Variants in CTNNA2 observed in about 807,000 individuals in gnomAD.
CTNNA2 encodes the protein catenin alpha 2, also known as catenin alpha-2.
Under a neutral mutation model 101.0 loss-of-function variants are expected in CTNNA2, and 42 were observed. That is an observed-to-expected ratio of 0.42 (90% CI 0.32 to 0.54). The LOEUF (loss-of-function observed/expected upper bound fraction) is 0.54, where lower values mean the gene tolerates loss of function less well. CTNNA2 is among the 20% of genes least tolerant of loss of function. The probability of loss-of-function intolerance (pLI) is 0.14; values close to 1 mark genes in which losing one functional copy is unlikely to be tolerated. For missense variants in CTNNA2, 871 were observed against 1,223.1 expected (o/e 0.71, Z 4.29); for synonymous variants, 450 against 456.4 (o/e 0.99, Z 0.18).
intron 2 of CTNNA2, among the ~76,000 whole-genome samples, chr2:79,662,528 A>G (rs1308059382): frequency 6.6e-6 from 1 of 152,146 alleles, no homozygotes; most frequent in Non-Finnish European, 1.5e-5. Flanking sequence ...ATTTTGGACA[A>G]TGTAGAAATA....
intron 7 of CTNNA2, among the ~76,000 whole-genome samples, chr2:80,133,869 G>A (rs903599058): frequency 6.6e-6 from 1 of 152,132 alleles, no homozygotes; most frequent in Non-Finnish European, 1.5e-5. Flanking sequence ...TTAGATTTAA[G>A]ACAGACTATA....
intron 2 of CTNNA2, among the ~76,000 whole-genome samples, chr2:79,277,110 T>A (rs1446740060): frequency 3.9e-5 from 6 of 152,128 alleles, no homozygotes; most frequent in African/African-American, 9.7e-5. Context: ...AAGAGCAGGA[T>A]CTTTGTTCTC....
chr2:80,489,551 A>G (rs972910248), intron 9 of CTNNA2, among the ~76,000 whole-genome samples: 1 of 152,180 alleles, frequency 6.6e-6, no homozygotes. Context: ...TTAAGAGTCC[A>G]TGTTATATAA....
chr2:79,808,875 G>A (rs1676787486), intron 3 of CTNNA2, among the ~76,000 whole-genome samples: 1 of 151,884 alleles, frequency 6.6e-6, no homozygotes, highest in Non-Finnish European at 1.5e-5. Flanking sequence ...GTGCCATGGT[G>A]GTTTGCTGCA....
chr2:80,348,948 A>C (rs1390411827), intron 7 of CTNNA2, among the ~76,000 whole-genome samples: 1 of 152,178 alleles, frequency 6.6e-6, no homozygotes, highest in Non-Finnish European at 1.5e-5. Context: ...TTTAGAAGAA[A>C]GGAAAAAGTA....
chr2:79,287,216 C>T (rs562559878), intron 2 of CTNNA2, among the ~76,000 whole-genome samples: 6 of 152,302 alleles, frequency 3.9e-5, no homozygotes, highest in East Asian at 1.9e-4. Flanking sequence ...TCCCGTAGCT[C>T]GGAGTAATTT....
intron 2 of CTNNA2, among the ~76,000 whole-genome samples, chr2:79,712,576 C>CAACA (rs1392101039): frequency 2.0e-5 from 3 of 151,910 alleles, no homozygotes; most frequent in African/African-American, 7.3e-5. Context: ...GGCAATATGT[C>CAACA]AACAAATGAA....
chr2:79,842,591 A>C (rs1227667938), intron 3 of CTNNA2, among the ~76,000 whole-genome samples: 3 of 152,148 alleles, frequency 2.0e-5, no homozygotes, highest in African/African-American at 7.2e-5. Context: ...CTTTGCATCA[A>C]GGTTACTAAG....
chr2:79,681,839 C>T (rs1466427131), intron 2 of CTNNA2, among the ~76,000 whole-genome samples: 1 of 152,122 alleles, frequency 6.6e-6, no homozygotes, highest in Non-Finnish European at 1.5e-5. Context: ...CGGGCTTTAG[C>T]AATACTGTGA....
At chr2:80,229,981 T>A (rs1202653538) in intron 7 of CTNNA2, among the ~76,000 whole-genome samples, 1 of 152,278 alleles carries the variant, frequency 6.6e-6, no homozygotes, top group South Asian at 2.1e-4. Flanking sequence ...TTACTGTATC[T>A]TTTTATTTTT....
chr2:79,340,833 C>CAAA (rs56276462), intron 3 of CTNNA2, among the ~76,000 whole-genome samples: 624 of 32,372 alleles, frequency 0.019, 25 homozygotes, highest in African/African-American at 0.026. Context: ...GACTCAGTCT[C>CAAA]AAAAAAAAAA....
chr2:79,469,201 C>T (rs941963694), intron 4 of CTNNA2, among the ~76,000 whole-genome samples: 3 of 152,126 alleles, frequency 2.0e-5, no homozygotes, highest in Non-Finnish European at 4.4e-5. Flanking sequence ...GAGGATATCA[C>T]CTCTGATCCC....
At chr2:80,417,160 CAT>C (rs983310767) in intron 8 of CTNNA2, among the ~76,000 whole-genome samples, 1 of 151,434 alleles carries the variant, frequency 6.6e-6, no homozygotes, top group Non-Finnish European at 1.5e-5. Context: ...TTTTCATTAA[CAT>C]ATATATGTTT....
In CTNNA2 at chr2:79,218,311, TTGTGTGTGTGTG is replaced by T. The variant is rs60680995; in HGVS notation, c.-406+20263_-406+20274del. Among the ~76,000 whole-genome samples the T allele has an allele frequency of 1.9e-4, 22 of 114,758 alleles. No homozygotes were observed. The South Asian group carries it at 4.8e-3, about 25-fold the overall frequency. 75.3% of individuals were successfully genotyped at this position (114,758 alleles called of 152,430 possible). A position where few individuals can be genotyped will look rare whatever the true frequency, so the allele number is the denominator to read the frequency against. On this transcript the variant is annotated intron_variant, in intron 2 of 21. Coordinates refer to the CTNNA2 transcript ENST00000466387. ...CCAGGCACCAGAATCTTCATGAACTTTGTGTGTGTGTGTGTGTGTGTGTGTGTGTGTGTGTGT... is the reference window on the plus strand; with the variant it reads ...CCAGGCACCAGAATCTTCATGAACTTTGTGTGTGTGTGTGTGTGTGTGTGT...
intron 12 of CTNNA2, among the ~76,000 whole-genome samples, chr2:80,563,459 A>G (rs1233177202): frequency 6.6e-6 from 1 of 152,226 alleles, no homozygotes; most frequent in Non-Finnish European, 1.5e-5. Context: ...ATGTAGCCGG[A>G]GGGCCTGAAA....
chr2:80,243,996 C>A (rs184419884), intron 7 of CTNNA2, among the ~76,000 whole-genome samples: 1 of 152,286 alleles, frequency 6.6e-6, no homozygotes, highest in South Asian at 2.1e-4. Flanking sequence ...CTGCATCAAA[C>A]GTGGCCTCAT....
intron 9 of CTNNA2, among the ~76,000 whole-genome samples, chr2:80,461,133 C>T (rs1684387261): frequency 6.6e-6 from 1 of 152,148 alleles, no homozygotes; most frequent in South Asian, 2.1e-4. Context: ...AAATCTTTTC[C>T]TACTCCCATT....
At chr2:80,518,874 C>G (rs1044541663) in intron 9 of CTNNA2, among the ~76,000 whole-genome samples, 1 of 152,264 alleles carries the variant, frequency 6.6e-6, no homozygotes, top group East Asian at 1.9e-4. Context: ...AACCTAGTAT[C>G]TGATTGTAAT....
intron 4 of CTNNA2, among the ~76,000 whole-genome samples, chr2:79,378,148 A>C (rs866054855): frequency 6.6e-6 from 1 of 152,162 alleles, no homozygotes; most frequent in Non-Finnish European, 1.5e-5. Context: ...TATTGTATAC[A>C]TGCTTAAGTA....
Sources: allele counts gnomAD v4.1 joint callset (sites outside exome capture counted in the v4.1 genomes callset), GRCh38; gene constraint gnomAD v4.1.1; transcripts MANE v1.5; gene names NCBI Gene and HGNC (gene_info 2026-07-23, HGNC 2026-07-21).